GIPC2: variants seen among roughly 807,000 people sequenced by gnomAD.
The protein encoded by GIPC2 is PDZ domain-containing protein GIPC2.
In GIPC2, 30 loss-of-function variants were observed where a neutral mutation model predicts 30.6. That is an observed-to-expected ratio of 0.98 (90% CI 0.73 to 1.33). The LOEUF is 1.33. GIPC2 is among the 40% of genes most tolerant of loss of function. The probability of loss-of-function intolerance (pLI) is 0.00; values close to 1 mark genes in which losing one functional copy is unlikely to be tolerated. For missense variants in GIPC2, 414 were observed against 390.3 expected, an observed-to-expected ratio of 1.06 and a Z score of -0.51; for synonymous variants, 167 against 150.0, an observed-to-expected ratio of 1.11 and a Z score of -0.83.
chr1:78,067,662 A>G (rs1571483631), intron 1 of GIPC2, among the ~76,000 whole-genome samples: 3 of 152,136 alleles, frequency 2.0e-5, no homozygotes, highest in Admixed American at 1.3e-4. Flanking sequence ...CATGTTGGCC[A>G]TGGTGGTCTT....
chr1:78,102,679 G>T (rs1474995743), intron 3 of GIPC2, among the ~76,000 whole-genome samples: 7 of 152,178 alleles, frequency 4.6e-5, no homozygotes, highest in Non-Finnish European at 8.8e-5. Flanking sequence ...GTGAAGATGT[G>T]TCTACCACAT....
intron 1 of GIPC2, among the ~76,000 whole-genome samples, chr1:78,064,215 G>A (rs1470551484): frequency 6.6e-6 from 1 of 152,240 alleles, no homozygotes; most frequent in Non-Finnish European, 1.5e-5. Flanking sequence ...TACGCTGTGT[G>A]TAACACAGAA....
intron 1 of GIPC2, among the ~76,000 whole-genome samples, chr1:78,079,308 C>T (rs1425749850): frequency 1.3e-5 from 2 of 152,118 alleles, no homozygotes; most frequent in Non-Finnish European, 2.9e-5. Context: ...GGGATTTGCT[C>T]TGAGCTTGGC....
intron 1 of GIPC2, among the ~76,000 whole-genome samples, chr1:78,070,695 T>C (rs1303885473): frequency 6.6e-6 from 1 of 152,212 alleles, no homozygotes; most frequent in Admixed American, 6.5e-5. Context: ...CAGTTCCCTT[T>C]ATTATATTTC....
At chr1:78,066,941 T>C (rs1182057589) in intron 1 of GIPC2, among the ~76,000 whole-genome samples, 1 of 152,148 alleles carries the variant, frequency 6.6e-6, no homozygotes, top group Non-Finnish European at 1.5e-5. Flanking sequence ...GTACTAGGCT[T>C]AATACCTGGG....
intron 1 of GIPC2, among the ~76,000 whole-genome samples, chr1:78,048,294 T>G (rs965513365): frequency 1.3e-5 from 2 of 152,194 alleles, no homozygotes; most frequent in Non-Finnish European, 2.9e-5. Flanking sequence ...GAAGTAAGTA[T>G]TATTATTAAT....
intron 5 of GIPC2, among the ~76,000 whole-genome samples, chr1:78,132,284 A>G (rs1662914279): frequency 6.6e-6 from 1 of 152,228 alleles, no homozygotes; most frequent in African/African-American, 2.4e-5. Context: ...AGTGATGATC[A>G]CTAATGATGA....
At chr1:78,124,619 C>G (rs1051450866) in intron 4 of GIPC2, among the ~76,000 whole-genome samples, 1 of 152,172 alleles carries the variant, frequency 6.6e-6, no homozygotes, top group African/African-American at 2.4e-5. Context: ...TGGCATCCCT[C>G]TAACATGACT....
intron 5 of GIPC2, among the ~76,000 whole-genome samples, chr1:78,128,267 A>G (rs2100445609): frequency 6.6e-6 from 1 of 152,016 alleles, no homozygotes. Flanking sequence ...CCTGGGCTCA[A>G]GCCATCCTCT....
chr1:78,104,794 AT>A (rs777984844), intron 3 of GIPC2, among the ~76,000 whole-genome samples: 16 of 152,288 alleles, frequency 1.1e-4, no homozygotes, highest in Middle Eastern at 3.4e-3. Context: ...ACAGTCAGGG[AT>A]AAAAGTTCAG....
chr1:78,097,120 A>T (rs901790301), intron 3 of GIPC2, among the ~76,000 whole-genome samples: 5 of 151,982 alleles, frequency 3.3e-5, no homozygotes, highest in Non-Finnish European at 5.9e-5. Context: ...CAGAGAGGGG[A>T]GCATATATCA....
At position 78,137,948 on chromosome 1, in the gene GIPC2, T is replaced by G. The variant is rs1245870255; in HGVS notation, c.*2205T>G. 2 of 152,152 alleles carry G rather than the reference T, an allele frequency of 1.3e-5. No homozygotes were observed. Among genetic ancestry groups the G allele is most frequent in the Non-Finnish European group, 2.9e-5 (2 of 68,018 alleles). 9.4% of individuals were successfully genotyped at this position (152,152 alleles called of 1,614,324 possible). On this transcript the variant is annotated 3_prime_UTR_variant, in exon 6 of 6. Coordinates refer to ENST00000370759, the MANE Select transcript of GIPC2 (RefSeq NM_017655.6). ...ATCACTTTTTAAAAAACATTCCATTTTATTGGCATCACTAGATGTTTTTAG... is the reference window on the plus strand; with the variant it reads ...ATCACTTTTTAAAAAACATTCCATTGTATTGGCATCACTAGATGTTTTTAG...
intron 1 of GIPC2, among the ~76,000 whole-genome samples, chr1:78,060,816 T>A (rs1661377490): frequency 1.3e-5 from 2 of 151,700 alleles, no homozygotes; most frequent in South Asian, 4.2e-4. Flanking sequence ...TAAATGTGTG[T>A]GTGTGTATAT....
At chr1:78,093,397 AT>A (rs1251186191) in intron 2 of GIPC2, among the ~76,000 whole-genome samples, 3 of 152,190 alleles carry the variant, frequency 2.0e-5, no homozygotes, top group Admixed American at 2.0e-4. Context: ...TTGTTTAACT[AT>A]TTCTAATGAC....
chr1:78,045,892 C>T, upstream of GIPC2: 2 of 1,343,218 alleles, frequency 1.5e-6, no homozygotes, highest in Non-Finnish European at 9.5e-7. Context: ...CCAGATCCAT[C>T]CCGGGGGAGG....
At chr1:78,045,169 G>T (rs910037823), upstream of GIPC2, 3 of 663,990 alleles carry the variant, frequency 4.5e-6, no homozygotes, top group African/African-American at 2.0e-5. Context: ...CACTGAAATT[G>T]CATAGTAAGT....
At chr1:78,085,765 T>C (rs1319724539) in intron 2 of GIPC2, among the ~76,000 whole-genome samples, 3 of 152,046 alleles carry the variant, frequency 2.0e-5, no homozygotes. Context: ...AGTGGTTACA[T>C]TGTCTTCATC....
chr1:78,130,759 G>C lies in GIPC2; in HGVS notation c.796+4797G>C, dbSNP rs532703596. Among the ~76,000 whole-genome samples the C allele has an allele frequency of 7.2e-5, 11 of 152,194 alleles. No homozygotes were observed. The East Asian group carries it at 1.2e-3, about 16-fold the overall frequency. On this transcript the variant is annotated intron_variant, in intron 5 of 5. Coordinates refer to ENST00000370759, the MANE Select transcript of GIPC2 (RefSeq NM_017655.6). ...AGTTACCTAAGAAGTTAAAAACTAA[G>C]ATTTAATTCTGAAACTTTGATACCA...
chr1:78,096,925 C>T (rs1662148066), intron 3 of GIPC2, among the ~76,000 whole-genome samples: 2 of 152,176 alleles, frequency 1.3e-5, no homozygotes, highest in South Asian at 4.1e-4. Flanking sequence ...TATGCATTTT[C>T]TGTGCTGTGG....
Sources: allele counts gnomAD v4.1 joint callset (sites outside exome capture counted in the v4.1 genomes callset), GRCh38; gene constraint gnomAD v4.1.1; transcripts MANE v1.5; gene names NCBI Gene and HGNC (gene_info 2026-07-23, HGNC 2026-07-21).